DLG2: variants seen among roughly 807,000 people sequenced by gnomAD.
DLG2 encodes the protein disks large homolog 2.
In DLG2, 45 loss-of-function variants were observed where a neutral mutation model predicts 132.5. The observed-to-expected ratio is 0.34, with a 90% CI of 0.27 to 0.44. The LOEUF (loss-of-function observed/expected upper bound fraction) is 0.44. DLG2 is among the 20% of genes least tolerant of loss of function. The pLI is 1.00. For missense variants in DLG2, 1,045 were observed against 1,196.9 expected (o/e 0.87, Z 1.87); for synonymous variants, 424 against 419.6 (o/e 1.01, Z -0.13).
At chr11:85,279,089 A>G (rs1565259124) in intron 4 of DLG2, among the ~76,000 whole-genome samples, 3 of 152,228 alleles carry the variant, frequency 2.0e-5, no homozygotes, top group Admixed American at 6.5e-5. Flanking sequence ...TCCAAAAGAT[A>G]TGTTATGAAA....
chr11:84,189,392 T>C (rs2096356427), intron 8 of DLG2, among the ~76,000 whole-genome samples: 1 of 152,182 alleles, frequency 6.6e-6, no homozygotes, highest in Non-Finnish European at 1.5e-5. Flanking sequence ...TGTAAATTAG[T>C]TTAATCACTG....
At chr11:84,140,940 G>A (rs1173485738) in intron 9 of DLG2, among the ~76,000 whole-genome samples, 1 of 152,066 alleles carries the variant, frequency 6.6e-6, no homozygotes, top group Non-Finnish European at 1.5e-5. Flanking sequence ...CCATATACTT[G>A]TTATGTGACC....
intron 6 of DLG2, among the ~76,000 whole-genome samples, chr11:84,874,534 T>C (rs1178039730): frequency 6.6e-6 from 1 of 152,148 alleles, no homozygotes; most frequent in Non-Finnish European, 1.5e-5. Context: ...TAAAATGAAA[T>C]GCTGTCAACA....
intron 3 of DLG2, among the ~76,000 whole-genome samples, chr11:85,297,699 G>A (rs572208303): frequency 6.6e-6 from 1 of 152,182 alleles, no homozygotes; most frequent in South Asian, 2.1e-4. Context: ...AGTAGAGCAA[G>A]GTCTACTCTG....
intron 8 of DLG2, among the ~76,000 whole-genome samples, chr11:84,175,564 T>C (rs755484002): frequency 6.6e-6 from 1 of 152,152 alleles, no homozygotes; most frequent in African/African-American, 2.4e-5. Flanking sequence ...TCCCTTTTCA[T>C]CTAAATATAG....
At chr11:84,336,855 C>T (rs1183900228) in intron 7 of DLG2, among the ~76,000 whole-genome samples, 1 of 152,182 alleles carries the variant, frequency 6.6e-6, no homozygotes, top group Non-Finnish European at 1.5e-5. Context: ...GGAATCTCTA[C>T]AAATTGAGTA....
chr11:85,496,813 C>A (rs1272553454), intron 3 of DLG2, among the ~76,000 whole-genome samples: 2 of 152,178 alleles, frequency 1.3e-5, no homozygotes, highest in African/African-American at 2.4e-5. Context: ...CATCAAACTC[C>A]AACAGACCTG....
chr11:85,031,661 A>G (rs2061010439), intron 6 of DLG2, among the ~76,000 whole-genome samples: 1 of 152,106 alleles, frequency 6.6e-6, no homozygotes, highest in South Asian at 2.1e-4. Context: ...ACACTCCTCT[A>G]TCAACTGTTT....
intron 6 of DLG2, among the ~76,000 whole-genome samples, chr11:84,805,626 T>C (rs566509752): frequency 1.3e-5 from 2 of 152,242 alleles, no homozygotes; most frequent in South Asian, 4.1e-4. Context: ...CATCTCTGTC[T>C]TCCTCCTGCT....
chr11:85,110,034 C>T (rs1184863892), intron 6 of DLG2, among the ~76,000 whole-genome samples: 1 of 151,884 alleles, frequency 6.6e-6, no homozygotes, highest in Non-Finnish European at 1.5e-5. Context: ...CTGCCATGTA[C>T]CAGGGATTTT....
chr11:85,002,824 C>A (rs373672739), intron 6 of DLG2, among the ~76,000 whole-genome samples: 1 of 151,784 alleles, frequency 6.6e-6, no homozygotes, highest in Non-Finnish European at 1.5e-5. Context: ...ATAGCAAGAC[C>A]GACCTTCCTT....
intron 14 of DLG2, among the ~76,000 whole-genome samples, chr11:83,935,873 C>A (rs1591388122): frequency 2.0e-5 from 3 of 152,176 alleles, no homozygotes; most frequent in African/African-American, 7.2e-5. Flanking sequence ...CCTTGTATGA[C>A]CTTATGCTAT....
chr11:84,454,873 T>G (rs992316104), intron 7 of DLG2, among the ~76,000 whole-genome samples: 3 of 151,358 alleles, frequency 2.0e-5, no homozygotes, highest in African/African-American at 7.3e-5. Context: ...AAAGGGAACT[T>G]TAGGGGATGA....
intron 21 of DLG2, among the ~76,000 whole-genome samples, chr11:83,517,335 C>T (rs1026392057): frequency 3.9e-5 from 6 of 152,306 alleles, no homozygotes; most frequent in South Asian, 4.1e-4. Context: ...CTTGTGCATT[C>T]GTCACGTAGT....
intron 3 of DLG2, among the ~76,000 whole-genome samples, chr11:85,415,519 CTGT>C (rs1469116767): frequency 6.6e-6 from 1 of 152,160 alleles, no homozygotes; most frequent in Non-Finnish European, 1.5e-5. Context: ...TCTCCAGAAT[CTGT>C]TGTTTCCTGA....
At chr11:85,345,716 G>A (rs2082786981) in intron 3 of DLG2, among the ~76,000 whole-genome samples, 1 of 151,980 alleles carries the variant, frequency 6.6e-6, no homozygotes, top group Non-Finnish European at 1.5e-5. Flanking sequence ...CTACTTGCCT[G>A]AAATTATTAC....
rs545373948 is a variant in DLG2 at position 84,380,751 on chromosome 11, A to G, written c.520-129460T>C. Among the ~76,000 whole-genome samples, 6 of 152,124 alleles carry G rather than the reference A, an allele frequency of 3.9e-5. No individual in the cohort carries two copies. In the East Asian group the frequency reaches 1.2e-3, roughly 29 times the overall value. Reference sequence around the variant, plus strand: ...ATTTCAAAAGTAGAAAATAAATACAATAGAGAAAATCAGCAAGGCCCAATT... The same window carrying G: ...ATTTCAAAAGTAGAAAATAAATACAGTAGAGAAAATCAGCAAGGCCCAATT... On this transcript the variant is annotated intron_variant, in intron 7 of 27. Transcript: ENST00000376104.
rs370347853 is a variant in DLG2, at chr11:84,752,564, C to CT, written c.358-217834dup. 7.7e-3 allele frequency among the ~76,000 whole-genome samples: 976 copies of CT among 127,486 alleles called. 7 individuals carry two copies. The highest frequency in any genetic ancestry group is 0.016 in the Middle Eastern group (4 of 248). The allele number at this position is 127,486 out of a possible 152,430, so 83.6% of individuals were successfully genotyped here. The stretch of plus-strand genomic sequence containing the variant: ...TGGCTGCTTCTTTGGTTTTCTTTTT[C>CT]TTTTTTTTTTTTTTTTATTATACTT... On this transcript the variant is annotated intron_variant, in intron 6 of 27. Transcript: ENST00000376104.
At chr11:85,055,671 C>T (rs1030325998) in intron 6 of DLG2, among the ~76,000 whole-genome samples, 2 of 152,092 alleles carry the variant, frequency 1.3e-5, no homozygotes, top group African/African-American at 4.8e-5. Flanking sequence ...TTATTTTTCT[C>T]AAAGCAATAG....
Sources: gnomAD v4.1 joint callset for allele counts (sites outside exome capture counted in the v4.1 genomes callset) on GRCh38, gnomAD v4.1.1 for gene constraint, MANE v1.5 for transcripts, NCBI Gene and HGNC (gene_info 2026-07-23, HGNC 2026-07-21) for gene names.